The following RGS22 variants were observed in gnomAD, a reference collection of about 807,000 sequenced individuals.
The protein encoded by RGS22 is regulator of G-protein signaling 22.
RGS22 carries 148 observed loss-of-function variants against 172.9 expected under a neutral mutation model. The observed-to-expected ratio is 0.86, with a 90% confidence interval of 0.75 to 0.98. The LOEUF (loss-of-function observed/expected upper bound fraction) is 0.98. Ranked by LOEUF, RGS22 falls within the 50% of genes least tolerant of loss-of-function variation. RGS22 has a pLI of 0.00. For missense variants in RGS22, 1,347 were observed against 1,440.8 expected (o/e 0.93, Z 1.05); for synonymous variants, 458 against 480.2 (o/e 0.95, Z 0.60).
intron 23 of RGS22, among the ~76,000 whole-genome samples, chr8:99,975,285 T>A (rs1811811448): frequency 6.6e-6 from 1 of 152,220 alleles, no homozygotes; most frequent in Non-Finnish European, 1.5e-5. Context: ...TGAACCAACA[T>A]CTGATAAATC....
At chr8:100,036,473 C>G (rs1819486729) in intron 14 of RGS22, among the ~76,000 whole-genome samples, 2 of 152,154 alleles carry the variant, frequency 1.3e-5, no homozygotes, top group African/African-American at 2.4e-5. Flanking sequence ...TGCAATAGTT[C>G]ATGGGGCAAT....
At chr8:99,972,854 A>C (rs1393432512) in intron 23 of RGS22, among the ~76,000 whole-genome samples, 5 of 152,088 alleles carry the variant, frequency 3.3e-5, no homozygotes, top group African/African-American at 1.2e-4. Context: ...TAACATGGTG[A>C]AACCCTGTCT....
chr8:99,974,809 A>AG (rs112529906), intron 23 of RGS22, among the ~76,000 whole-genome samples: 5 of 151,528 alleles, frequency 3.3e-5, no homozygotes, highest in African/African-American at 1.2e-4. Context: ...AAAAAAAAAA[A>AG]TGGATATAAT....
chr8:99,963,916 T>C (rs1810458268), intron 24 of RGS22, among the ~76,000 whole-genome samples: 2 of 152,220 alleles, frequency 1.3e-5, no homozygotes, highest in Admixed American at 1.3e-4. Context: ...ATTGCTAAAG[T>C]AATTCAACAT....
Position 99,978,083 on chromosome 8 carries a change from A to T in RGS22, c.3361-8T>A. The T allele has an allele frequency of 6.7e-7, 1 of 1,494,400 alleles. No individual in the cohort carries two copies. The highest frequency in any genetic ancestry group is 8.9e-7 in the Non-Finnish European group (1 of 1,127,382). 92.6% of individuals were successfully genotyped at this position (1,494,400 alleles called of 1,614,324 possible). A position where few individuals can be genotyped will look rare whatever the true frequency, so the allele number is the denominator to read the frequency against. On this transcript the variant is annotated splice_region_variant and splice_polypyrimidine_tract_variant and intron_variant, in intron 22 of 27. Transcript: ENST00000360863. ...AACCCCAAAAATTGTCATCTGTATA[A>T]AAAAAAGTCTAAGATTACAATTTTA...
chr8:100,060,844 G>C (rs1047809559), intron 9 of RGS22, among the ~76,000 whole-genome samples: 21 of 152,126 alleles, frequency 1.4e-4, no homozygotes, highest in Non-Finnish European at 1.3e-4. Context: ...GAACCAAAAA[G>C]AGCCTAAACA....
chr8:99,987,619 G>T lies in RGS22; in HGVS notation c.3019C>A (p.Pro1007Thr), dbSNP rs769248020. Reference protein sequence around the residue: ...KAEKKIGVWKPVESKWISSSC... With the variant: ...KAEKKIGVWKTVESKWISSSC... ...GAAGAGATCCACTTACTCTCCACAG[G>T]CTGTCCAAAGCAGAGAATATAGGAA... The change falls in exon 21 of 28, where the codon CCT (proline) becomes ACT (threonine). Residue 1007 changes from proline (P) to threonine (T), a missense_variant and splice_region_variant. Transcript: ENST00000360863. 1.9e-6 allele frequency: 3 copies of T among 1,573,662 alleles called. No individual in the cohort carries two copies. The highest frequency in any genetic ancestry group is 2.3e-5 in the East Asian group (1 of 44,196).
intron 11 of RGS22, among the ~76,000 whole-genome samples, chr8:100,045,270 AG>A (rs1328920856): frequency 6.6e-6 from 1 of 152,052 alleles, no homozygotes; most frequent in Non-Finnish European, 1.5e-5. Flanking sequence ...AAAACAAAAA[AG>A]AAAAAAAAAA....
rs73698425 is a variant in RGS22, at chr8:100,086,233, G to A, written c.118-5878C>T. 9.1e-3 allele frequency among the ~76,000 whole-genome samples: 1,389 copies of A among 152,268 alleles called. 24 individuals carry two copies. Among genetic ancestry groups the A allele is most frequent in the African/African-American group, 0.032 (1,316 of 41,562 alleles). ...AATAATAGGTTACATTTGGTGAACT[G>A]CAAGCAGTGAAACATATTCAACTTT... is the stretch of plus-strand genomic sequence containing the variant. On this transcript the variant is annotated intron_variant, in intron 3 of 27. Transcript: ENST00000360863.
chr8:100,047,020 T>C (rs1820795494), intron 11 of RGS22, among the ~76,000 whole-genome samples: 1 of 152,068 alleles, frequency 6.6e-6, no homozygotes, highest in Admixed American at 6.6e-5. Context: ...CTCAGTATAT[T>C]ACCTAGGCTG....
Position 99,962,868 on chromosome 8 carries a change from C to A in RGS22, c.3709+17G>T. On this transcript the variant is annotated intron_variant, in intron 25 of 27. Coordinates refer to ENST00000360863, the MANE Select transcript of RGS22 (RefSeq NM_015668.5). ...AAAGATAAAAAAGTAAACTTGTAGG[C>A]AGAAGGCAAAAATTACCTGCAAACA... 2 of 1,585,548 alleles carry A rather than the reference C, an allele frequency of 1.3e-6. No individual in the cohort carries two copies. Among genetic ancestry groups the A allele is most frequent in the Non-Finnish European group, 1.7e-6 (2 of 1,172,522 alleles).
At chr8:99,991,409 G>A (rs1813702338) in intron 20 of RGS22, among the ~76,000 whole-genome samples, 1 of 152,198 alleles carries the variant, frequency 6.6e-6, no homozygotes, top group South Asian at 2.1e-4. Context: ...AAACAGTGTA[G>A]AGAAGATCTT....
intron 19 of RGS22, 63 bp downstream of exon 19, chr8:99,999,199 G>T: frequency 1.0e-5 from 14 of 1,351,866 alleles, no homozygotes; most frequent in Non-Finnish European, 1.4e-5. Flanking sequence ...CACCAGGTAT[G>T]TACATTTGAA....
At chr8:100,086,335 G>GTT (rs1193178497) in intron 3 of RGS22, among the ~76,000 whole-genome samples, 1 of 152,124 alleles carries the variant, frequency 6.6e-6, no homozygotes, top group Non-Finnish European at 1.5e-5. Context: ...ATCATATGCT[G>GTT]TAACTCTCAA....
chr8:100,092,075 T>C (rs1388569333), intron 3 of RGS22: 1 of 151,632 alleles, frequency 6.6e-6, no homozygotes, highest in Non-Finnish European at 1.5e-5. Flanking sequence ...CATATATATA[T>C]ATATAAAACT....
rs1368787528 is a variant in RGS22, at chr8:100,038,970, T to C, written c.2127A>G (p.Gln709=). 3.1e-6 allele frequency: 5 copies of C among 1,612,590 alleles called. No homozygotes were observed. Among genetic ancestry groups the C allele is most frequent in the Non-Finnish European group, 3.4e-6 (4 of 1,179,232 alleles). ...ATACTTTAAAAGGCTGAAGTGTTTC[T>C]TGGTAGAAAAGCTGATGATAAGCCT... The part of the protein sequence containing the change: ...DLQAYHQLFY[Q]ETLQPFKVCK... The change falls in exon 14 of 28, where the codon CAA becomes CAG. Residue 709 remains glutamine (Q), a synonymous_variant. Transcript: ENST00000360863.
intron 14 of RGS22, among the ~76,000 whole-genome samples, chr8:100,027,551 C>T (rs1198412561): frequency 6.6e-6 from 1 of 152,132 alleles, no homozygotes; most frequent in Non-Finnish European, 1.5e-5. Flanking sequence ...GGCATGATCT[C>T]AGCTCACTGC....
intron 4 of RGS22, among the ~76,000 whole-genome samples, chr8:100,073,595 A>G (rs1332701738): frequency 2.0e-5 from 3 of 152,230 alleles, no homozygotes; most frequent in Non-Finnish European, 4.4e-5. Context: ...TGGATCTTGT[A>G]GTTAGAAAGA....
chr8:99,976,332 C>T (rs1811926900), intron 23 of RGS22, among the ~76,000 whole-genome samples: 1 of 152,144 alleles, frequency 6.6e-6, no homozygotes, highest in East Asian at 1.9e-4. Context: ...AATGCATCCA[C>T]ATGCATGAAA....
Sources: allele counts gnomAD v4.1 joint callset (sites outside exome capture counted in the v4.1 genomes callset), GRCh38; gene constraint gnomAD v4.1.1; transcripts MANE v1.5; gene names NCBI Gene and HGNC (gene_info 2026-07-23, HGNC 2026-07-21).